OPA3: variants seen among roughly 807,000 people sequenced by gnomAD.
The protein encoded by OPA3 is outer mitochondrial membrane lipid metabolism regulator OPA3, also known as optic atrophy 3 protein.
A neutral mutation model predicts 4.0 loss-of-function variants in OPA3; 6 were observed. The ratio of observed to expected loss-of-function variants is 1.51; its 90% confidence interval spans 0.83 to 2.99. OPA3 has a LOEUF of 2.99. Among genes scored for constraint, OPA3 ranks in the 30% most tolerant of loss-of-function variants. The pLI, the probability that OPA3 is intolerant of heterozygous loss-of-function variation, is 0.00. For missense variants in OPA3, 235 were observed against 256.2 expected, an observed-to-expected ratio of 0.92 and a Z score of 0.56; for synonymous variants, 105 against 117.1, an observed-to-expected ratio of 0.90 and a Z score of 0.67.
chr19:45,544,558 GC>G (rs1429794503), downstream of OPA3, among the ~76,000 whole-genome samples: 1 of 152,108 alleles, frequency 6.6e-6, no homozygotes. Flanking sequence ...ACTTTGGGAG[GC>G]CGAGGCAGGT....
At chr19:45,541,073 A>G (rs924023979) in intron 1 of OPA3, among the ~76,000 whole-genome samples, 23 of 152,170 alleles carry the variant, frequency 1.5e-4, no homozygotes. Flanking sequence ...CAGAAACTGG[A>G]GAAACCCATG....
At chr19:45,567,800 C>T (rs1443751096) in intron 1 of OPA3, among the ~76,000 whole-genome samples, 1 of 152,170 alleles carries the variant, frequency 6.6e-6, no homozygotes, top group Non-Finnish European at 1.5e-5. Flanking sequence ...TTTCCTCACT[C>T]ATAAAACCAG....
In OPA3 at chr19:45,549,961, C is replaced by G. The variant is rs1969307763; in HGVS notation, c.*3553G>C. The G allele has an allele frequency of 4.9e-6, 4 of 816,356 alleles. No homozygotes were observed. The highest frequency in any genetic ancestry group is 5.9e-6 in the Non-Finnish European group (4 of 675,858). 50.6% of individuals were successfully genotyped at this position (816,356 alleles called of 1,614,324 possible). On this transcript the variant is annotated 3_prime_UTR_variant, in exon 2 of 2. Coordinates refer to ENST00000263275, the MANE Select transcript of OPA3 (RefSeq NM_025136.4). ...TTACCTGAGGTCAGGAGTTCAAGAT[C>G]AGCCTGGGCAACTTGGAGAAACCCC...
intron 1 of OPA3, among the ~76,000 whole-genome samples, chr19:45,536,628 T>C (rs189864780): frequency 6.6e-6 from 1 of 151,400 alleles, no homozygotes; most frequent in East Asian, 1.9e-4. Context: ...GACCTTACAC[T>C]ACCAGATATA....
chr19:45,548,656 T>TA lies in OPA3; in HGVS notation c.*4857_*4858insT, dbSNP rs1280704569. The TA allele has an allele frequency of 1.5e-6, 1 of 655,244 alleles. No individual in the cohort carries two copies. The highest frequency in any genetic ancestry group is 3.9e-5 in the African/African-American group (1 of 25,964). The allele number at this position is 655,244 out of a possible 1,614,324, so 40.6% of individuals were successfully genotyped here. A position where few individuals can be genotyped will look rare whatever the true frequency, so the allele number is the denominator to read the frequency against. On this transcript the variant is annotated 3_prime_UTR_variant, in exon 2 of 2. Coordinates refer to ENST00000263275, the MANE Select transcript of OPA3 (RefSeq NM_025136.4). ...ACTCAGTGAGTTTTGTGTTTTATTTTTTTTATTTTTTTTTTTTTTGCGGGA... is the reference window on the plus strand; with the variant it reads ...ACTCAGTGAGTTTTGTGTTTTATTTTATTTTATTTTTTTTTTTTTTGCGGGA...
chr19:45,548,261 G>A lies in OPA3; in HGVS notation c.*5253C>T. On this transcript the variant is annotated 3_prime_UTR_variant, in exon 2 of 2. Transcript: ENST00000263275. ...CCGTGAGCCAATAGATCAGGTTGGGGCTTATGTAAAGCCCATTTTCTCCTG... is the reference window on the plus strand; with the variant it reads ...CCGTGAGCCAATAGATCAGGTTGGGACTTATGTAAAGCCCATTTTCTCCTG... 1 of 985,522 alleles carries A rather than the reference G, an allele frequency of 1.0e-6. No individual in the cohort carries two copies. The highest frequency in any genetic ancestry group is 1.2e-6 in the Non-Finnish European group (1 of 829,948). The allele number at this position is 985,522 out of a possible 1,614,324, so 61.0% of individuals were successfully genotyped here.
chr19:45,537,410 A>AAAAAG, intron 1 of OPA3, among the ~76,000 whole-genome samples: 1 of 120,116 alleles, frequency 8.3e-6, no homozygotes, highest in Non-Finnish European at 1.7e-5. Context: ...AAAAAAAAAA[A>AAAAAG]AAAAAAAAAA....
chr19:45,578,051 T>A (rs1183840013), intron 1 of OPA3, among the ~76,000 whole-genome samples: 1 of 152,132 alleles, frequency 6.6e-6, no homozygotes, highest in Non-Finnish European at 1.5e-5. Context: ...AGATCTAACT[T>A]GACTGACTCC....
At chr19:45,534,732 A>C in intron 1 of OPA3, among the ~76,000 whole-genome samples, 1 of 151,584 alleles carries the variant, frequency 6.6e-6, no homozygotes, top group Non-Finnish European at 1.5e-5. Context: ...TCCCAGGTTC[A>C]AGCGATTCTC....
At chr19:45,564,810 C>T (rs1332557270) in intron 1 of OPA3, among the ~76,000 whole-genome samples, 1 of 152,242 alleles carries the variant, frequency 6.6e-6, no homozygotes, top group Non-Finnish European at 1.5e-5. Flanking sequence ...CTACATTTTA[C>T]TTTCTCTATA....
chr19:45,580,158 A>T (rs1223741902), intron 1 of OPA3, among the ~76,000 whole-genome samples: 3 of 141,308 alleles, frequency 2.1e-5, no homozygotes, highest in East Asian at 4.3e-4. Context: ...CACCACGCCC[A>T]GCTAATTTTT....
intron 1 of OPA3, among the ~76,000 whole-genome samples, chr19:45,559,045 G>A (rs541479230): frequency 3.9e-5 from 6 of 152,066 alleles, no homozygotes; most frequent in Admixed American, 1.3e-4. Flanking sequence ...CACCATGTCC[G>A]ACTAATTTTT....
chr19:45,536,840 A>G (rs1969124210), intron 1 of OPA3, among the ~76,000 whole-genome samples: 1 of 152,178 alleles, frequency 6.6e-6, no homozygotes, highest in African/African-American at 2.4e-5. Flanking sequence ...CAGAGAAAAA[A>G]ATAAACCTTA....
In OPA3 at chr19:45,550,366, A is replaced by G. The variant is rs953958991; in HGVS notation, c.*3148T>C. On this transcript the variant is annotated 3_prime_UTR_variant, in exon 2 of 2. Transcript: ENST00000263275. ...CCCAGGTGGAATGGTCACCCAGTTTACACAATGCTATGATCTCTGGTGTGA... is the reference window on the plus strand; with the variant it reads ...CCCAGGTGGAATGGTCACCCAGTTTGCACAATGCTATGATCTCTGGTGTGA... 4 of 977,352 alleles carry G rather than the reference A, an allele frequency of 4.1e-6. No individual in the cohort carries two copies. In the African/African-American group the frequency reaches 7.4e-5, roughly 18 times the overall value. 60.5% of individuals were successfully genotyped at this position (977,352 alleles called of 1,614,324 possible).
In OPA3 at chr19:45,550,397, G is replaced by GCCT. The variant is rs1555732356; in HGVS notation, c.*3116_*3117insAGG. ...TGCTATGATCTCTGGTGTGATCTGG[G>GCCT]GCTGCTCTGAGAGGGGATAGAGAGG... On this transcript the variant is annotated 3_prime_UTR_variant, in exon 2 of 2. Coordinates refer to ENST00000263275, the MANE Select transcript of OPA3 (RefSeq NM_025136.4). 2 of 984,748 alleles carry GCCT rather than the reference G, an allele frequency of 2.0e-6. No individual in the cohort carries two copies. Among genetic ancestry groups the GCCT allele is most frequent in the African/African-American group, 3.5e-5 (2 of 56,998 alleles). 61.0% of individuals were successfully genotyped at this position (984,748 alleles called of 1,614,324 possible).
chr19:45,528,598 G>A, exon 2 of OPA3: 1 of 172,936 alleles, frequency 5.8e-6, no homozygotes, highest in Non-Finnish European at 1.2e-5. Context: ...GTGGTGTTCG[G>A]TGCAAAGGAT....
At chr19:45,546,197 T>C (rs974601650), downstream of OPA3, 1 of 156,756 alleles carries the variant, frequency 6.4e-6, no homozygotes, top group African/African-American at 2.4e-5. Context: ...ATATATTAAG[T>C]ATATAGAATG....
chr19:45,557,368 C>G (rs1891113204), intron 1 of OPA3, among the ~76,000 whole-genome samples: 1 of 152,098 alleles, frequency 6.6e-6, no homozygotes, highest in African/African-American at 2.4e-5. Context: ...GTTCAGGAAA[C>G]AAGGCCCAGG....
Position 45,537,227 on chromosome 19 carries a change from C to T in OPA3, c.143-7771G>A, listed in dbSNP as rs1033222064. On this transcript the variant is annotated intron_variant, in intron 1 of 1. Coordinates refer to the OPA3 transcript ENST00000323060. ...TTTTTGAAATGGAGTCTCGCTCTGT[C>T]GCCCAGGCTGGAGTGCAATGGCGCA... Among the ~76,000 whole-genome samples, 5 of 151,456 alleles carry T rather than the reference C, an allele frequency of 3.3e-5. No individual in the cohort carries two copies. In the South Asian group the frequency reaches 8.3e-4, roughly 25 times the overall value.
Sources: allele counts gnomAD v4.1 joint callset (sites outside exome capture counted in the v4.1 genomes callset), GRCh38; gene constraint gnomAD v4.1.1; transcripts MANE v1.5; gene names NCBI Gene and HGNC (gene_info 2026-07-23, HGNC 2026-07-21).